SPIB: variants seen among roughly 807,000 people sequenced by gnomAD.
The protein encoded by SPIB is Spi-B transcription factor.
In SPIB, 7 loss-of-function variants were observed where a neutral mutation model predicts 31.9. The observed-to-expected ratio is 0.22, with a 90% CI of 0.12 to 0.41. The LOEUF is 0.41. Ranked by LOEUF, SPIB falls within the 10% of genes least tolerant of loss-of-function variation. The pLI, the probability that SPIB is intolerant of heterozygous loss-of-function variation, is 1.00. For missense variants in SPIB, 327 were observed against 360.2 expected (o/e 0.91, Z 0.75); for synonymous variants, 176 against 158.9 (o/e 1.11, Z -0.81).
At position 50,419,926 on chromosome 19, in the gene SPIB, CTG is replaced by C. The variant is rs1491511552; in HGVS notation, c.24-16_24-15del. On this transcript the variant is annotated intron_variant, in intron 1 of 5. Coordinates refer to ENST00000595883, the MANE Select transcript of SPIB (RefSeq NM_003121.5). The stretch of plus-strand genomic sequence containing the variant: ...GGCTGGAGGCAGCCTCAGCATGCCC[CTG>C]TGTCTCTCCCCCTCCAGGCTCGACG... 6.5e-7 allele frequency: 1 copy of C among 1,541,072 alleles called. No homozygotes were observed. The highest frequency in any genetic ancestry group is 1.4e-5 in the African/African-American group (1 of 70,336).
intron 2 of SPIB, among the ~76,000 whole-genome samples, chr19:50,421,385 C>T (rs771226781): frequency 4.6e-5 from 7 of 152,052 alleles, no homozygotes; most frequent in South Asian, 2.1e-4. Flanking sequence ...TACAGTGGTG[C>T]GATCTCGGCT....
intron 5 of SPIB, among the ~76,000 whole-genome samples, 169 bp from the exon 6 acceptor site, chr19:50,427,869 C>CG (rs1471829828): frequency 1.4e-5 from 2 of 139,280 alleles, no homozygotes; most frequent in Admixed American, 7.3e-5. Flanking sequence ...CCCCCCCCCC[C>CG]CCCCGTGGTG....
In SPIB at chr19:50,419,939, C is replaced by A. The variant is rs200960532; in HGVS notation, c.24-7C>A. 7 of 1,535,790 alleles carry A rather than the reference C, an allele frequency of 4.6e-6. No homozygotes were observed. Among genetic ancestry groups the A allele is most frequent in the Non-Finnish European group, 6.1e-6 (7 of 1,148,318 alleles). ...CTCAGCATGCCCCTGTGTCTCTCCC[C>A]CTCCAGGCTCGACGGGCCACACTTC... On this transcript the variant is annotated splice_polypyrimidine_tract_variant and splice_region_variant and intron_variant, in intron 1 of 5. Coordinates refer to ENST00000595883, the MANE Select transcript of SPIB (RefSeq NM_003121.5).
Position 50,423,614 on chromosome 19 carries a change from C to G in SPIB, c.349C>G (p.Pro117Ala), listed in dbSNP as rs2039527661. ...CCCTGACCTTCCGCAGACCCTGGTT[C>G]CCCCGGCATATGCCCCGTACCCCAG... ...TENFASQTLVPPAYAPYPSPV... is the reference protein window; with the variant it reads ...TENFASQTLVAPAYAPYPSPV... The change falls in exon 5 of 6, where the codon CCC (proline) becomes GCC (alanine). Residue 117 changes from proline (P) to alanine (A), a missense_variant. Physicochemically the swap from Pro to Ala is conservative, Grantham distance 27. Coordinates refer to ENST00000595883, the MANE Select transcript of SPIB (RefSeq NM_003121.5). The G allele has an allele frequency of 3.1e-6, 5 of 1,613,306 alleles. No individual in the cohort carries two copies. The highest frequency in any genetic ancestry group is 3.3e-4 in the Middle Eastern group (2 of 6,072).
Position 50,426,823 on chromosome 19 carries a change from G to A in SPIB, c.491-1215G>A, listed in dbSNP as rs149970510. ...AACTTATACTTTCGATGAATGCCGAGGCAGCCTAAAATTATAAGAATTCAA... is the reference window on the plus strand; with the variant it reads ...AACTTATACTTTCGATGAATGCCGAAGCAGCCTAAAATTATAAGAATTCAA... On this transcript the variant is annotated intron_variant, in intron 5 of 5. Transcript: ENST00000595883. 9.5e-3 allele frequency among the ~76,000 whole-genome samples: 1,441 copies of A among 151,998 alleles called. 20 individuals carry two copies. The highest frequency in any genetic ancestry group is 0.033 in the African/African-American group (1,375 of 41,502).
chr19:50,424,998 T>G (rs755535956), intron 5 of SPIB, among the ~76,000 whole-genome samples: 12 of 151,682 alleles, frequency 7.9e-5, no homozygotes, highest in Non-Finnish European at 1.6e-4. Flanking sequence ...TTTAAAAAAT[T>G]TTAATTAATT....
At position 50,423,628 on chromosome 19, in the gene SPIB, C is replaced by A. The variant is rs1568649395; in HGVS notation, c.363C>A (p.Ala121=). Residue 121 remains alanine, a synonymous_variant, in exon 5 of 6, where the codon GCC becomes GCA. Transcript: ENST00000595883. ...AGACCCTGGTTCCCCCGGCATATGC[C>A]CCGTACCCCAGCCCTGTGCTATCAG... ...ASQTLVPPAY[A]PYPSPVLSEE... 1.2e-6 allele frequency: 2 copies of A among 1,613,860 alleles called. No homozygotes were observed. Among genetic ancestry groups the A allele is most frequent in the Non-Finnish European group, 1.7e-6 (2 of 1,179,954 alleles).
Position 50,423,771 on chromosome 19 carries a change from TGGGGTG to T in SPIB, c.490+21_490+26del. 2.5e-6 allele frequency: 4 copies of T among 1,590,530 alleles called. No homozygotes were observed. The highest frequency in any genetic ancestry group is 1.7e-4 in the Middle Eastern group (1 of 5,978). On this transcript the variant is annotated intron_variant, in intron 5 of 5. Transcript: ENST00000595883. ...TCCGAGGCAGGTATGCGGGAGTGGC[TGGGGTG>T]GGGGAGATGCCAGCTGGAGATGGTG... is the stretch of plus-strand genomic sequence containing the variant.
At position 50,428,970 on chromosome 19, in the gene SPIB, A is replaced by G. The variant is rs1417335819; in HGVS notation, c.*634A>G. 1.3e-5 allele frequency: 2 copies of G among 152,112 alleles called. No individual in the cohort carries two copies. The highest frequency in any genetic ancestry group is 6.6e-5 in the Admixed American group (1 of 15,266). 9.4% of individuals were successfully genotyped at this position (152,112 alleles called of 1,614,324 possible). On this transcript the variant is annotated 3_prime_UTR_variant, in exon 6 of 6. Transcript: ENST00000595883. This position sits in a 1 kb window ranked among gnomAD's most constrained non-coding sequence, Gnocchi z 6.5. ...CTTTTTATGTGTCTGGAGTTCCCCA[A>G]TCACATCTAGGGCTCCTCCAAGATC...
chr19:50,420,537 A>G (rs541198753), intron 2 of SPIB, among the ~76,000 whole-genome samples: 31 of 152,338 alleles, frequency 2.0e-4, no homozygotes, highest in African/African-American at 7.2e-4. Flanking sequence ...GAACATTTCA[A>G]TCTCTGAAAT....
intron 3 of SPIB, 48 bp from the exon 4 acceptor site, chr19:50,422,775 A>C (rs2039512802): frequency 7.7e-7 from 1 of 1,290,386 alleles, no homozygotes; most frequent in African/African-American, 1.5e-5. Context: ...GACTGCGAGG[A>C]GGCCTCCGTG....
chr19:50,428,841 G>A lies in SPIB; in HGVS notation c.*505G>A, dbSNP rs2039603843. Reference sequence around the variant, plus strand: ...CCTAGTTATGTCTGGGGCCCTCTGGGAGCTGTTATCATCTCAGATCTCTTC... The same window carrying A: ...CCTAGTTATGTCTGGGGCCCTCTGGAAGCTGTTATCATCTCAGATCTCTTC... On this transcript the variant is annotated 3_prime_UTR_variant, in exon 6 of 6. Coordinates refer to ENST00000595883, the MANE Select transcript of SPIB (RefSeq NM_003121.5). This position sits in a 1 kb window ranked among gnomAD's most constrained non-coding sequence, Gnocchi z 6.5. 1 of 157,254 alleles carries A rather than the reference G, an allele frequency of 6.4e-6. No individual in the cohort carries two copies. Among genetic ancestry groups the A allele is most frequent in the Non-Finnish European group, 1.4e-5 (1 of 71,818 alleles). The allele number at this position is 157,254 out of a possible 1,614,324, so 9.7% of individuals were successfully genotyped here. A position where few individuals can be genotyped will look rare whatever the true frequency, so the allele number is the denominator to read the frequency against.
intron 2 of SPIB, among the ~76,000 whole-genome samples, chr19:50,421,263 G>A (rs1413617072): frequency 6.6e-6 from 1 of 151,526 alleles, no homozygotes; most frequent in African/African-American, 2.4e-5. Context: ...GTTTTTCCTA[G>A]ACTCGAGTTC....
In SPIB at chr19:50,422,936, C is replaced by A; in HGVS notation, c.238C>A (p.Pro80Thr). ...HPQAAQLCYEPPTYSPAGNLE... is the reference protein window; with the variant it reads ...HPQAAQLCYETPTYSPAGNLE... ...CCAGGCTGCCCAGCTCTGCTACGAA[C>A]CCCCCACCTACAGCCCTGCAGGGAA... Residue 80 changes from proline (P) to threonine (T), a missense_variant, in exon 4 of 6, where the codon CCC (proline) becomes ACC (threonine). Coordinates refer to ENST00000595883, the MANE Select transcript of SPIB (RefSeq NM_003121.5). 6.3e-7 allele frequency: 1 copy of A among 1,591,094 alleles called. No homozygotes were observed. The highest frequency in any genetic ancestry group is 1.7e-5 in the Admixed American group (1 of 58,750).
At chr19:50,424,488 AAC>A (rs2039541646) in intron 5 of SPIB, among the ~76,000 whole-genome samples, 1 of 152,182 alleles carries the variant, frequency 6.6e-6, no homozygotes, top group Non-Finnish European at 1.5e-5. Context: ...CTCTACTAAA[AAC>A]ACAAAAATTA....
intron 5 of SPIB, among the ~76,000 whole-genome samples, chr19:50,425,056 G>C (rs995326089): frequency 1.3e-5 from 2 of 151,546 alleles, no homozygotes; most frequent in Non-Finnish European, 2.9e-5. Context: ...ACCCAGGCTG[G>C]AGTGCAGTGG....
Position 50,422,820 on chromosome 19 carries a change from C to A in SPIB, c.125-3C>A. The A allele has an allele frequency of 6.5e-7, 1 of 1,548,942 alleles. No homozygotes were observed. Among genetic ancestry groups the A allele is most frequent in the South Asian group, 1.2e-5 (1 of 82,864 alleles). On this transcript the variant is annotated splice_region_variant and splice_polypyrimidine_tract_variant and intron_variant, in intron 3 of 5. Coordinates refer to ENST00000595883, the MANE Select transcript of SPIB (RefSeq NM_003121.5). ...AGCTTCTGACTCAGTGCCCTTCCCC[C>A]AGACTCCCTGTGGGACTGGACTGTG...
chr19:50,428,100 C>T lies in SPIB; in HGVS notation c.553C>T (p.Arg185Cys), dbSNP rs751378581. ...GGGGCTACTGACGCGCGGGGACATG[C>T]GTGAGTGCGTGTGGTGGGTGGAGCC... The part of the protein sequence containing the change: ...LLGLLTRGDM[R>C]ECVWWVEPGA... The change falls in exon 6 of 6, where the codon CGT becomes TGT. Residue 185 changes from arginine to cysteine, a missense_variant. By Grantham distance (180) the Arg-to-Cys change is radical. Transcript: ENST00000595883. The surrounding 1 kb of genome is among the most constrained non-coding windows in gnomAD (Gnocchi z 6.5). The T allele has an allele frequency of 8.6e-5, 136 of 1,582,544 alleles. No homozygotes were observed. Among genetic ancestry groups the T allele is most frequent in the Non-Finnish European group, 1.1e-4 (127 of 1,163,682 alleles).
chr19:50,420,213 A>G (rs2039477265), intron 2 of SPIB, among the ~76,000 whole-genome samples: 1 of 152,112 alleles, frequency 6.6e-6, no homozygotes, highest in Non-Finnish European at 1.5e-5. Context: ...TATTCAGACA[A>G]TGTATTTTCA....
Sources: gnomAD v4.1 joint callset for allele counts (sites outside exome capture counted in the v4.1 genomes callset) on GRCh38, gnomAD v4.1.1 for gene constraint, Gnocchi (gnomAD v3.1) non-coding constraint, MANE v1.5 for transcripts, NCBI Gene and HGNC (gene_info 2026-07-23, HGNC 2026-07-21) for gene names.